CLTCL1: variants seen among roughly 807,000 people sequenced by gnomAD.
CLTCL1 encodes clathrin heavy chain 2.
CLTCL1 carries 159 observed loss-of-function variants against 190.0 expected under a neutral mutation model. That is an observed-to-expected ratio of 0.84 (90% confidence interval 0.74 to 0.95). The LOEUF (loss-of-function observed/expected upper bound fraction) is 0.95, where lower values mean the gene tolerates loss of function less well. Ranked by LOEUF, CLTCL1 falls within the 40% of genes least tolerant of loss-of-function variation. The probability of loss-of-function intolerance (pLI) is 0.00; values close to 1 mark genes in which losing one functional copy is unlikely to be tolerated. For synonymous variants in CLTCL1, 752 were observed against 769.6 expected (o/e 0.98, Z 0.38); for missense variants, 1,878 against 2,033.4 (o/e 0.92, Z 1.47).
intron 2 of CLTCL1, among the ~76,000 whole-genome samples, chr22:19,264,239 C>T (rs2087047082): frequency 6.8e-6 from 1 of 146,216 alleles, no homozygotes; most frequent in Admixed American, 6.9e-5. Flanking sequence ...TTCGAAGTTA[C>T]AGTCTCTTAA....
rs575247740 is a variant in CLTCL1, at chr22:19,208,688, T to C, written c.3442+234A>G. Among the ~76,000 whole-genome samples the C allele has an allele frequency of 2.0e-5, 3 of 151,916 alleles. No homozygotes were observed. The East Asian group carries it at 5.8e-4, about 29-fold the overall frequency. ...ACAGTGGCGATATTGAGATATCTAG[T>C]GTGCTTAAATGACCTCATCTTGTAA... is the stretch of plus-strand genomic sequence containing the variant. On this transcript the variant is annotated intron_variant, in intron 21 of 32. Coordinates refer to ENST00000427926, the MANE Select transcript of CLTCL1 (RefSeq NM_007098.4).
At chr22:19,271,785 T>C (rs535893792) in intron 2 of CLTCL1, among the ~76,000 whole-genome samples, 9 of 152,302 alleles carry the variant, frequency 5.9e-5, no homozygotes, top group Admixed American at 4.6e-4. Flanking sequence ...GTCTGTTTTG[T>C]TTTGTTTTGT....
chr22:19,282,084 A>G (rs2087735618), intron 1 of CLTCL1, among the ~76,000 whole-genome samples: 1 of 152,060 alleles, frequency 6.6e-6, no homozygotes, highest in Admixed American at 6.6e-5. Flanking sequence ...TAATCCTAGC[A>G]CTTTGGGAGG....
intron 2 of CLTCL1, among the ~76,000 whole-genome samples, chr22:19,274,632 T>G (rs2087433932): frequency 6.6e-6 from 1 of 152,124 alleles, no homozygotes; most frequent in East Asian, 1.9e-4. Context: ...AATGACCAAG[T>G]AGACACTATT....
At position 19,291,634 on chromosome 22, in the gene CLTCL1, T is replaced by C; in HGVS notation, c.8A>G (p.Gln3Arg). 4.3e-6 allele frequency: 6 copies of C among 1,403,514 alleles called. No homozygotes were observed. Among genetic ancestry groups the C allele is most frequent in the East Asian group, 3.1e-5 (1 of 32,076 alleles). The allele number at this position is 1,403,514 out of a possible 1,614,324, so 86.9% of individuals were successfully genotyped here. MAQILPVRFQEHF... is the reference protein window; with the variant it reads MARILPVRFQEHF... ...CTCCTGAAAGCGAACAGGGAGGATC[T>C]GCGCCATGGCTGGTGCGGGACCTCG... The change falls in exon 1 of 33, where the codon CAG becomes CGG. Residue 3 changes from glutamine (Q) to arginine (R), a missense_variant. Coordinates refer to ENST00000427926, the MANE Select transcript of CLTCL1 (RefSeq NM_007098.4).
At chr22:19,195,842 G>A (rs891091027) in intron 26 of CLTCL1, among the ~76,000 whole-genome samples, 2 of 152,108 alleles carry the variant, frequency 1.3e-5, no homozygotes, top group Non-Finnish European at 2.9e-5. Context: ...GCTGGTGCTG[G>A]GGAGAGACAT....
At chr22:19,260,851 AAG>A (rs1195675947) in intron 2 of CLTCL1, among the ~76,000 whole-genome samples, 1 of 151,790 alleles carries the variant, frequency 6.6e-6, no homozygotes, top group Non-Finnish European at 1.5e-5. Context: ...ATGGAAAAAC[AAG>A]AGTCGTGATG....
rs781815481 is a variant in CLTCL1 at position 19,221,588 on chromosome 22, A to G, written c.2585T>C (p.Leu862Pro). The G allele has an allele frequency of 3.1e-6, 5 of 1,593,116 alleles. No homozygotes were observed. The highest frequency in any genetic ancestry group is 4.3e-6 in the Non-Finnish European group (5 of 1,169,468). Residue 862 changes from leucine to proline, a missense_variant, in exon 17 of 33, where the codon CTG becomes CCG. By Grantham distance (98) the Leu-to-Pro change is moderately conservative (BLOSUM62 -3). Transcript: ENST00000427926. ...ACAGCCTTCCTGAATCTGGGACTCC[A>G]GCCAGGGAAGCAGCAGCTTGAGCCT... is the stretch of plus-strand genomic sequence containing the variant. ...RNRLKLLLPW[L>P]ESQIQEGCEE...
chr22:19,206,931 A>G (rs1349393076), intron 22 of CLTCL1, among the ~76,000 whole-genome samples: 1 of 150,610 alleles, frequency 6.6e-6, no homozygotes, highest in African/African-American at 2.4e-5. Context: ...TTATTTAAAC[A>G]TTTTGGCTTT....
chr22:19,234,801 A>G, intron 6 of CLTCL1, 95 bp from the exon 7 acceptor site: 1 of 1,130,626 alleles, frequency 8.8e-7, no homozygotes, highest in Non-Finnish European at 1.3e-6. Context: ...TGGTAGCCAC[A>G]TTCTCAGGCG....
At position 19,291,598 on chromosome 22, in the gene CLTCL1, A is replaced by G. The variant is rs1555993842; in HGVS notation, c.42+2T>C. 2 of 1,393,852 alleles carry G rather than the reference A, an allele frequency of 1.4e-6. No homozygotes were observed. The highest frequency in any genetic ancestry group is 1.5e-5 in the African/African-American group (1 of 66,592). 86.3% of individuals were successfully genotyped at this position (1,393,852 alleles called of 1,614,324 possible). ...GCAGCCCCCCAGCCCGCCGGGCCTC[A>G]CCTGGAAGTGCTCCTGAAAGCGAAC... On this transcript the variant is annotated splice_donor_variant, in intron 1 of 32. Transcript: ENST00000427926. LOFTEE classifies it high-confidence loss of function.
At chr22:19,239,465 G>A (rs2086182964) in intron 4 of CLTCL1, 77 bp from the exon 5 acceptor site, 17 of 1,018,430 alleles carry the variant, frequency 1.7e-5, no homozygotes, top group South Asian at 1.5e-4. Context: ...ACAGAGGCAA[G>A]TGGAGCCTCA....
rs79904773 is a variant in CLTCL1 at position 19,250,262 on chromosome 22, A to G, written c.519+3697T>C. On this transcript the variant is annotated intron_variant, in intron 3 of 32. Transcript: ENST00000427926. Reference sequence around the variant, plus strand: ...GAGTGAGACTCTGTCTCAGAAAAACAAAAAAAGAAAAGAAAGGAAAACAAA... The same window carrying G: ...GAGTGAGACTCTGTCTCAGAAAAACGAAAAAAGAAAAGAAAGGAAAACAAA... 1.6e-3 allele frequency among the ~76,000 whole-genome samples: 251 copies of G among 152,138 alleles called. 3 individuals carry two copies. In the East Asian group the frequency reaches 0.045, roughly 27 times the overall value.
At chr22:19,233,695 T>A in intron 7 of CLTCL1, 73 bp from the exon 8 acceptor site, 2 of 1,426,348 alleles carry the variant, frequency 1.4e-6, no homozygotes, top group Non-Finnish European at 1.9e-6. Context: ...TCCTTGTATG[T>A]AAAAACAAAA....
At chr22:19,216,489 C>G (rs1186314142) in intron 18 of CLTCL1, among the ~76,000 whole-genome samples, 2 of 152,258 alleles carry the variant, frequency 1.3e-5, no homozygotes, top group Non-Finnish European at 1.5e-5. Flanking sequence ...CAGACTCTTA[C>G]TCAGCTCCAA....
intron 2 of CLTCL1, among the ~76,000 whole-genome samples, chr22:19,262,452 G>C (rs1450852875): frequency 1.3e-5 from 2 of 150,386 alleles, no homozygotes; most frequent in African/African-American, 4.9e-5. Context: ...CTAATGTGGT[G>C]AAACCCCATC....
In CLTCL1 at chr22:19,229,920, A is replaced by G. The variant is rs376291237; in HGVS notation, c.1700T>C (p.Leu567Ser). Residue 567 changes from leucine (L) to serine (S), a missense_variant, in exon 11 of 33, where the codon TTG (leucine) becomes TCG (serine). By Grantham distance (145) the Leu-to-Ser change is moderately radical. Coordinates refer to ENST00000427926, the MANE Select transcript of CLTCL1 (RefSeq NM_007098.4). ...TGGGCGATTATTCTTCAAGGCATCC[A>G]ATAAGAAGGAAGTACACTGCTGAAT... is the stretch of plus-strand genomic sequence containing the variant. ...SLIQQCTSFL[L>S]DALKNNRPAE... 5.0e-6 allele frequency: 8 copies of G among 1,611,656 alleles called. No individual in the cohort carries two copies. In the African/African-American group the frequency reaches 1.1e-4, roughly 22 times the overall value.
At chr22:19,272,037 A>C (rs1432311342) in intron 2 of CLTCL1, among the ~76,000 whole-genome samples, 1 of 152,332 alleles carries the variant, frequency 6.6e-6, no homozygotes, top group East Asian at 1.9e-4. Context: ...TGAGCCCAGG[A>C]GTTCAAGGCT....
rs1044676898 is a variant in CLTCL1 at position 19,180,762 on chromosome 22, C to T, written c.4872G>A (p.Glu1624=). 1 of 1,613,840 alleles carries T rather than the reference C, an allele frequency of 6.2e-7. No homozygotes were observed. Among genetic ancestry groups the T allele is most frequent in the Non-Finnish European group, 8.5e-7 (1 of 1,179,828 alleles). Residue 1624 remains glutamate (E), a synonymous_variant, in exon 31 of 33, where the codon GAG becomes GAA. Transcript: ENST00000427926. ...DALESLRKQE[E]HVTEPAPLVF... The stretch of plus-strand genomic sequence containing the variant: ...CGAGAGGGGCAGGCTCTGTCACATG[C>T]TCCTCTTGCTTGCGCAGACTCTCCA...
Sources: gnomAD v4.1 joint callset for allele counts (sites outside exome capture counted in the v4.1 genomes callset) on GRCh38, gnomAD v4.1.1 for gene constraint, MANE v1.5 for transcripts, NCBI Gene and HGNC (gene_info 2026-07-23, HGNC 2026-07-21) for gene names.